Variants in DYNC2I2 observed in about 807,000 individuals in gnomAD.
DYNC2I2 encodes dynein 2 intermediate chain 2.
A neutral mutation model predicts 52.0 loss-of-function variants in DYNC2I2; 39 were observed. The observed-to-expected ratio is 0.75, with a 90% confidence interval of 0.58 to 0.98. The LOEUF (loss-of-function observed/expected upper bound fraction) is 0.98. Ranked by LOEUF, DYNC2I2 falls within the 50% of genes least tolerant of loss-of-function variation. DYNC2I2 has a pLI of 0.00. For missense variants in DYNC2I2, 743 were observed against 728.4 expected (o/e 1.02, Z -0.23); for synonymous variants, 359 against 321.1 (o/e 1.12, Z -1.26).
chr9:128,667,723 C>T, the DYNC2I2 span, among the ~76,000 whole-genome samples: 30 of 151,328 alleles, frequency 2.0e-4, no homozygotes, highest in African/African-American at 6.6e-4. Context: ...GCATTCGCCA[C>T]CACGCCCAGC....
At chr9:128,635,980 G>A (rs1423731591) in intron 4 of DYNC2I2, 2 of 670,714 alleles carry the variant, frequency 3.0e-6, no homozygotes, top group African/African-American at 1.8e-5. Flanking sequence ...CCCTGCACCT[G>A]GCAGCTCCCT....
chr9:128,682,030 G>A, the DYNC2I2 span, among the ~76,000 whole-genome samples: 235 of 152,028 alleles, frequency 1.5e-3, 1 homozygote, highest in African/African-American at 4.9e-3. Flanking sequence ...CAAAGATTAT[G>A]CCACAGCACT....
rs1860395601 is a variant in DYNC2I2, at chr9:128,635,700, G to A, written c.771C>T (p.Arg257=). The A allele has an allele frequency of 3.1e-6, 5 of 1,612,822 alleles. No individual in the cohort carries two copies. The highest frequency in any genetic ancestry group is 4.2e-6 in the Non-Finnish European group (5 of 1,179,558). ...TGTGGGTGTCATCCGTCAGGCCTGTGCGCCACAGCAGCGGGTCCTCAAGAC... is the reference window on the plus strand; with the variant it reads ...TGTGGGTGTCATCCGTCAGGCCTGTACGCCACAGCAGCGGGTCCTCAAGAC... ...LSRLEDPLLW[R]TGLTDDTHTD... is the part of the protein sequence containing the mutation. Residue 257 remains arginine, a synonymous_variant, in exon 5 of 9, where the codon CGC becomes CGT. Coordinates refer to ENST00000372715, the MANE Select transcript of DYNC2I2 (RefSeq NM_052844.4).
chr9:128,647,589 G>T (rs769661619), intron 1 of DYNC2I2, among the ~76,000 whole-genome samples: 5 of 152,000 alleles, frequency 3.3e-5, no homozygotes, highest in Non-Finnish European at 7.4e-5. Context: ...CAAAAAATTA[G>T]CCAGGCATGG....
chr9:128,647,749 A>G (rs1860643053), intron 1 of DYNC2I2, among the ~76,000 whole-genome samples: 1 of 148,608 alleles, frequency 6.7e-6, no homozygotes, highest in East Asian at 2.0e-4. Context: ...AAAAAAAAAA[A>G]AAGCGTTCAG....
intron 2 of DYNC2I2, among the ~76,000 whole-genome samples, chr9:128,639,885 C>T (rs891671377): frequency 3.9e-5 from 6 of 152,030 alleles, no homozygotes; most frequent in Non-Finnish European, 8.8e-5. Context: ...AGGCTGGTCT[C>T]GAACTGCCAA....
In DYNC2I2 at chr9:128,636,424, T is replaced by TC; in HGVS notation, c.559dup (p.Asp187GlyfsTer6). Reference sequence around the variant, plus strand: ...CACGAAGGACTTAAGCGTGCTCCAGTCCCCATGGTCCAGCCTGTGCAGGGA... The same window carrying TC: ...CACGAAGGACTTAAGCGTGCTCCAGTCCCCCATGGTCCAGCCTGTGCAGGGA... On this transcript the variant is annotated frameshift_variant, in exon 4 of 9. Coordinates refer to ENST00000372715, the MANE Select transcript of DYNC2I2 (RefSeq NM_052844.4). LOFTEE classifies it high-confidence loss of function. 1 of 1,605,328 alleles carries TC rather than the reference T, an allele frequency of 6.2e-7. No homozygotes were observed. The highest frequency in any genetic ancestry group is 8.5e-7 in the Non-Finnish European group (1 of 1,178,030).
intron 2 of DYNC2I2, among the ~76,000 whole-genome samples, chr9:128,639,996 T>C (rs972387959): frequency 1.5e-5 from 2 of 132,524 alleles, no homozygotes; most frequent in Admixed American, 8.4e-5. Flanking sequence ...GTGAAGAAGA[T>C]ACCACAGGAG....
At chr9:128,682,110 G>A in the DYNC2I2 span, among the ~76,000 whole-genome samples, 1 of 151,032 alleles carries the variant, frequency 6.6e-6, no homozygotes, top group African/African-American at 2.4e-5. Context: ...TCAGGCTGGC[G>A]CAATCTCCAC....
At chr9:128,648,490 A>G (rs972173545) in intron 1 of DYNC2I2, among the ~76,000 whole-genome samples, 1 of 151,628 alleles carries the variant, frequency 6.6e-6, no homozygotes, top group Non-Finnish European at 1.5e-5. Context: ...CGCCAAGCCA[A>G]GCCAAGCGGG....
At chr9:128,653,729 A>AAAAAAACTG (rs1860763919) in intron 1 of DYNC2I2, among the ~76,000 whole-genome samples, 1 of 130,424 alleles carries the variant, frequency 7.7e-6, no homozygotes, top group African/African-American at 3.0e-5. Flanking sequence ...AAAAAAACCC[A>AAAAAAACTG]GGCCGGGCGC....
chr9:128,662,863 C>A, the DYNC2I2 span, among the ~76,000 whole-genome samples: 1 of 151,924 alleles, frequency 6.6e-6, no homozygotes, highest in South Asian at 2.1e-4. Context: ...TGCACCCAGC[C>A]TTTTTTTTCT....
upstream of DYNC2I2, among the ~76,000 whole-genome samples, chr9:128,659,512 C>A (rs1421113551): frequency 1.5e-4 from 21 of 143,462 alleles, no homozygotes; most frequent in African/African-American, 1.8e-4. Context: ...AAAAAAAAAA[C>A]ACACACACAA....
rs1050760704 is a variant in DYNC2I2 at position 128,640,678 on chromosome 9, G to C, written c.435+13C>G. ...AGGGGCTCGACCCGAGGCTGCACCA[G>C]CCCATCCCCTACCATCTGCTGCTGC... is the stretch of plus-strand genomic sequence containing the variant. On this transcript the variant is annotated intron_variant, in intron 2 of 8. Coordinates refer to ENST00000372715, the MANE Select transcript of DYNC2I2 (RefSeq NM_052844.4). 9.3e-6 allele frequency: 15 copies of C among 1,611,676 alleles called. No individual in the cohort carries two copies. Among genetic ancestry groups the C allele is most frequent in the Non-Finnish European group, 1.3e-5 (15 of 1,178,298 alleles).
the DYNC2I2 span, among the ~76,000 whole-genome samples, chr9:128,676,817 G>A: frequency 1.3e-5 from 2 of 149,886 alleles, no homozygotes; most frequent in Admixed American, 1.3e-4. Context: ...ACAGGCCTGA[G>A]CCACTATGGT....
At chr9:128,646,898 A>C (rs7859932) in intron 1 of DYNC2I2, among the ~76,000 whole-genome samples, 4,375 of 152,238 alleles carry the variant, frequency 0.029, 231 homozygotes, top group African/African-American at 0.1. Flanking sequence ...AGGCCAAGGA[A>C]GGTGGATCAC....
Position 128,633,933 on chromosome 9 carries a change from A to C in DYNC2I2, c.1422T>G (p.Val474=), listed in dbSNP as rs1051901782. The C allele has an allele frequency of 6.2e-7, 1 of 1,613,200 alleles. No individual in the cohort carries two copies. Among genetic ancestry groups the C allele is most frequent in the Non-Finnish European group, 8.5e-7 (1 of 1,180,042 alleles). ...TTTCATCCTGGGTTTGCTTGATCAA[A>C]ACTGTGGGTTTCTGGGAGCTTTTCT... ...DLQKSSQKPT[V]LIKQTQDESP... is the part of the protein sequence containing the mutation. Residue 474 remains valine (V), a synonymous_variant, in exon 9 of 9, where the codon GTT becomes GTG. Coordinates refer to ENST00000372715, the MANE Select transcript of DYNC2I2 (RefSeq NM_052844.4).
the DYNC2I2 span, among the ~76,000 whole-genome samples, chr9:128,668,743 C>G: frequency 6.6e-6 from 1 of 150,576 alleles, no homozygotes; most frequent in South Asian, 2.1e-4. Flanking sequence ...TCGCTTGATC[C>G]CAGGAGGTAG....
At chr9:128,666,676 T>C in the DYNC2I2 span, among the ~76,000 whole-genome samples, 184 of 151,828 alleles carry the variant, frequency 1.2e-3, no homozygotes, top group African/African-American at 4.2e-3. Context: ...GGAGAATCCC[T>C]TGAACCCAGG....
Sources: allele counts gnomAD v4.1 joint callset (sites outside exome capture counted in the v4.1 genomes callset), GRCh38; gene constraint gnomAD v4.1.1; transcripts MANE v1.5; gene names NCBI Gene and HGNC (gene_info 2026-07-23, HGNC 2026-07-21).